C1QTNF7: variants seen among roughly 807,000 people sequenced by gnomAD.
C1QTNF7 encodes the protein complement C1q tumor necrosis factor-related protein 7.
A neutral mutation model predicts 19.6 loss-of-function variants in C1QTNF7; 15 were observed. The observed-to-expected ratio is 0.76, with a 90% CI of 0.51 to 1.18. The LOEUF is 1.18. Among genes scored for constraint, C1QTNF7 ranks in the 50% most tolerant of loss-of-function variants. The pLI is 0.00. For synonymous variants in C1QTNF7, 142 were observed against 137.5 expected (o/e 1.03, Z -0.23); for missense variants, 324 against 359.7 (o/e 0.90, Z 0.80).
At chr4:15,393,216 T>G (rs34365625) in intron 1 of C1QTNF7, among the ~76,000 whole-genome samples, 3,434 of 152,324 alleles carry the variant, frequency 0.023, 61 homozygotes, top group Non-Finnish European at 0.033. Flanking sequence ...TTGTGAGGCC[T>G]CCCTAGCCAT....
At chr4:15,417,525 C>T (rs1163127049) in intron 1 of C1QTNF7, among the ~76,000 whole-genome samples, 1 of 152,198 alleles carries the variant, frequency 6.6e-6, no homozygotes, top group African/African-American at 2.4e-5. Context: ...GCCTGTAATT[C>T]CATGCCTTTG....
At chr4:15,420,884 C>T (rs1711721722) in intron 1 of C1QTNF7, among the ~76,000 whole-genome samples, 1 of 145,448 alleles carries the variant, frequency 6.9e-6, no homozygotes, top group African/African-American at 2.6e-5. Context: ...GCTTTCCTCC[C>T]CAGCACACTG....
chr4:15,435,531 G>C (rs1712494236), intron 1 of C1QTNF7, among the ~76,000 whole-genome samples: 1 of 152,168 alleles, frequency 6.6e-6, no homozygotes, highest in Non-Finnish European at 1.5e-5. Context: ...CTCCCGTGTA[G>C]GGCACTGAGG....
intron 1 of C1QTNF7, among the ~76,000 whole-genome samples, chr4:15,346,283 G>C (rs552772073): frequency 4.6e-5 from 7 of 152,266 alleles, no homozygotes; most frequent in African/African-American, 1.7e-4. Context: ...ATGTTTGTCT[G>C]TCTTCTGTCT....
intron 1 of C1QTNF7, among the ~76,000 whole-genome samples, chr4:15,386,542 C>T (rs1330359399): frequency 6.6e-6 from 1 of 151,930 alleles, no homozygotes; most frequent in African/African-American, 2.4e-5. Flanking sequence ...GATGACCATA[C>T]AAGTCATGGA....
At chr4:15,432,190 G>C (rs1473663800) in intron 1 of C1QTNF7, among the ~76,000 whole-genome samples, 1 of 152,196 alleles carries the variant, frequency 6.6e-6, no homozygotes, top group Non-Finnish European at 1.5e-5. Context: ...AGGGAAATAA[G>C]GAGGGCCTTG....
chr4:15,414,268 A>G (rs1031469613), intron 1 of C1QTNF7, among the ~76,000 whole-genome samples: 4 of 152,264 alleles, frequency 2.6e-5, no homozygotes, highest in Non-Finnish European at 4.4e-5. Context: ...GAGAACAACA[A>G]ACAAATCTGT....
intron 1 of C1QTNF7, among the ~76,000 whole-genome samples, chr4:15,380,085 C>A (rs1308364548): frequency 6.6e-6 from 1 of 152,200 alleles, no homozygotes; most frequent in Non-Finnish European, 1.5e-5. Flanking sequence ...AAATGAATAT[C>A]TTTCCAATGA....
intron 1 of C1QTNF7, among the ~76,000 whole-genome samples, chr4:15,351,034 C>T (rs1315672398): frequency 1.3e-5 from 2 of 152,178 alleles, no homozygotes; most frequent in East Asian, 1.9e-4. Flanking sequence ...TTCTCAACTC[C>T]ATTTCCTTGC....
intron 1 of C1QTNF7, among the ~76,000 whole-genome samples, chr4:15,367,371 A>G (rs1717563761): frequency 6.6e-6 from 1 of 152,246 alleles, no homozygotes; most frequent in Admixed American, 6.5e-5. Context: ...AGTGGCGGTC[A>G]TATACTTGGG....
Position 15,409,549 on chromosome 4 carries a change from G to A in C1QTNF7, c.14-26187G>A, listed in dbSNP as rs114579193. On this transcript the variant is annotated intron_variant, in intron 1 of 2. Transcript: ENST00000295297. ...AATTTTTAAAAACCATTGTGTACAT[G>A]CATAGCCATGGTCAGAACCTATGAA... 3.0e-3 allele frequency among the ~76,000 whole-genome samples: 460 copies of A among 152,298 alleles called. 3 individuals carry two copies. The highest frequency in any genetic ancestry group is 0.011 in the African/African-American group (444 of 41,560).
intron 1 of C1QTNF7, among the ~76,000 whole-genome samples, chr4:15,351,930 T>C (rs1716953034): frequency 6.6e-6 from 1 of 152,154 alleles, no homozygotes; most frequent in East Asian, 1.9e-4. Flanking sequence ...GAGAGGAATC[T>C]GGAAGGAGAA....
intron 1 of C1QTNF7, chr4:15,362,489 T>C (rs987512306): frequency 3.3e-5 from 5 of 152,204 alleles, no homozygotes; most frequent in Non-Finnish European, 7.3e-5. Context: ...TTACAAAATG[T>C]AAAAGTTCTT....
intron 1 of C1QTNF7, among the ~76,000 whole-genome samples, chr4:15,392,822 G>A (rs1241243763): frequency 6.6e-6 from 1 of 152,212 alleles, no homozygotes; most frequent in Non-Finnish European, 1.5e-5. Flanking sequence ...AAATGAAAAT[G>A]TACAGGTGAG....
At chr4:15,398,179 G>T (rs758446911) in intron 1 of C1QTNF7, among the ~76,000 whole-genome samples, 141 of 152,170 alleles carry the variant, frequency 9.3e-4, no homozygotes, top group Non-Finnish European at 1.1e-3. Flanking sequence ...CTGAAATATG[G>T]CCCTAGGTCA....
At chr4:15,439,667 G>A (rs1436763059) in intron 2 of C1QTNF7, among the ~76,000 whole-genome samples, 1 of 152,050 alleles carries the variant, frequency 6.6e-6, no homozygotes, top group Non-Finnish European at 1.5e-5. Flanking sequence ...CAAATACATA[G>A]GTAAAGTAAA....
At chr4:15,427,046 T>C (rs547682749), upstream of C1QTNF7, among the ~76,000 whole-genome samples, 4 of 152,304 alleles carry the variant, frequency 2.6e-5, no homozygotes, top group East Asian at 5.8e-4. Flanking sequence ...CATTAAGATT[T>C]TGGAAAGCCA....
At chr4:15,385,922 C>T (rs1464115869) in intron 1 of C1QTNF7, among the ~76,000 whole-genome samples, 1 of 152,220 alleles carries the variant, frequency 6.6e-6, no homozygotes, top group African/African-American at 2.4e-5. Flanking sequence ...AGACAAATCA[C>T]ATCATAACAC....
rs1043760801 is a variant in C1QTNF7 at position 15,445,815 on chromosome 4, A to C, written c.*3016A>C. 9 of 152,220 alleles carry C rather than the reference A, an allele frequency of 5.9e-5. No homozygotes were observed. The highest frequency in any genetic ancestry group is 1.5e-5 in the Non-Finnish European group (1 of 68,040). 9.4% of individuals were successfully genotyped at this position (152,220 alleles called of 1,614,324 possible). A position where few individuals can be genotyped will look rare whatever the true frequency, so the allele number is the denominator to read the frequency against. ...AATATGTATTAAGCAATATTTATTGACTATACACCATCTTGTTCTAGAAGA... is the reference window on the plus strand; with the variant it reads ...AATATGTATTAAGCAATATTTATTGCCTATACACCATCTTGTTCTAGAAGA... On this transcript the variant is annotated 3_prime_UTR_variant, in exon 3 of 3. Coordinates refer to ENST00000444304, the MANE Select transcript of C1QTNF7 (RefSeq NM_031911.5).
Sources: allele counts gnomAD v4.1 joint callset (sites outside exome capture counted in the v4.1 genomes callset), GRCh38; gene constraint gnomAD v4.1.1; transcripts MANE v1.5; gene names NCBI Gene and HGNC (gene_info 2026-07-23, HGNC 2026-07-21).